The following TAB1 variants were observed in gnomAD, a reference collection of about 807,000 sequenced individuals.
TAB1 encodes TGF-beta-activated kinase 1 and MAP3K7-binding protein 1.
In TAB1, 30 loss-of-function variants were observed where a neutral mutation model predicts 54.5. The ratio of observed to expected loss-of-function variants is 0.55; its 90% CI spans 0.41 to 0.75. The LOEUF is 0.75. Ranked by LOEUF, TAB1 falls within the 30% of genes least tolerant of loss-of-function variation. TAB1 has a pLI of 0.00. For synonymous variants in TAB1, 289 were observed against 286.9 expected, an observed-to-expected ratio of 1.01 and a Z score of -0.07; for missense variants, 609 against 683.2, an observed-to-expected ratio of 0.89 and a Z score of 1.21.
downstream of TAB1, chr22:39,433,095 G>A: frequency 1.0e-6 from 1 of 985,362 alleles, no homozygotes; most frequent in Non-Finnish European, 1.2e-6. Context: ...GGAAAGCACT[G>A]AGGCAGGATC....
chr22:39,417,022 C>T, intron 4 of TAB1, 145 bp downstream of exon 4: 1 of 753,364 alleles, frequency 1.3e-6, no homozygotes, highest in Non-Finnish European at 2.2e-6. Context: ...GGTGTGTGGC[C>T]ACAGGTGAGG....
At chr22:39,433,592 C>T (rs1017707381), downstream of TAB1, 26 of 985,324 alleles carry the variant, frequency 2.6e-5, no homozygotes, top group Admixed American at 6.1e-5. Context: ...GTGAGCCATC[C>T]TCACTAGGAG....
At chr22:39,433,060 T>A (rs1161771264), downstream of TAB1, 2 of 985,312 alleles carry the variant, frequency 2.0e-6, no homozygotes, top group Non-Finnish European at 2.4e-6. Context: ...CTCTCCAGCC[T>A]GTCTGCCTCC....
At chr22:39,401,396 C>T (rs888777166) in intron 1 of TAB1, among the ~76,000 whole-genome samples, 3 of 152,200 alleles carry the variant, frequency 2.0e-5, no homozygotes, top group South Asian at 4.1e-4. Context: ...TGATTTTAGA[C>T]GGCTGGCCCT....
chr22:39,422,400 C>CTTTT (rs965591327), intron 8 of TAB1, among the ~76,000 whole-genome samples: 3,594 of 88,526 alleles, frequency 0.041, 384 homozygotes, highest in Non-Finnish European at 0.064. Flanking sequence ...CTTCTCATTT[C>CTTTT]TTTTTTTTTT....
chr22:39,428,138 C>T lies in TAB1; in HGVS notation c.1262C>T (p.Ala421Val). 6.2e-7 allele frequency: 1 copy of T among 1,613,544 alleles called. No homozygotes were observed. Among genetic ancestry groups the T allele is most frequent in the Non-Finnish European group, 8.5e-7 (1 of 1,179,584 alleles). Reference protein sequence around the residue: ...MPSQGQMVNGAHSASTLDEAT... With the variant: ...MPSQGQMVNGVHSASTLDEAT... Reference sequence around the variant, plus strand: ...TCCCAGGGCCAGATGGTCAACGGGGCTCACAGTGCTTCCACCCTGGACGAA... The same window carrying T: ...TCCCAGGGCCAGATGGTCAACGGGGTTCACAGTGCTTCCACCCTGGACGAA... Residue 421 changes from alanine (A) to valine (V), a missense_variant, in exon 10 of 11, where the codon GCT (alanine) becomes GTT (valine). Transcript: ENST00000216160.
At chr22:39,433,681 C>G (rs1044427421), downstream of TAB1, 25 of 985,306 alleles carry the variant, frequency 2.5e-5, no homozygotes, top group Admixed American at 1.2e-4. Context: ...AGCTGCAGAG[C>G]AGGCTCCCCA....
intron 8 of TAB1, among the ~76,000 whole-genome samples, chr22:39,424,246 A>G (rs1038507819): frequency 6.6e-6 from 1 of 152,206 alleles, no homozygotes; most frequent in African/African-American, 2.4e-5. Flanking sequence ...TCATTAGTCA[A>G]TGGCCACTTA....
At chr22:39,429,372 C>T (rs1927487778) in intron 10 of TAB1, 3 of 985,444 alleles carry the variant, frequency 3.0e-6, no homozygotes, top group South Asian at 9.4e-5. Context: ...GGTTCAGCTT[C>T]ACCCGAGGAA....
intron 10 of TAB1, among the ~76,000 whole-genome samples, chr22:39,428,446 C>G (rs1927443703): frequency 6.6e-6 from 1 of 152,248 alleles, no homozygotes; most frequent in Admixed American, 6.5e-5. Flanking sequence ...GGAAGGTTTC[C>G]TTTCATTCCT....
In TAB1 at chr22:39,411,869, C is replaced by T. The variant is rs180671734; in HGVS notation, c.34-3137C>T. On this transcript the variant is annotated intron_variant, in intron 1 of 10. Coordinates refer to ENST00000216160, the MANE Select transcript of TAB1 (RefSeq NM_006116.3). ...ATGGATAAACAAACTTTACTACATC[C>T]GAACAATGGTATATTACTCTATGAA... Among the ~76,000 whole-genome samples the T allele has an allele frequency of 5.3e-5, 8 of 152,174 alleles. No individual in the cohort carries two copies. The East Asian group carries it at 7.7e-4, about 15-fold the overall frequency.
chr22:39,400,668 G>A (rs562797250), intron 1 of TAB1, among the ~76,000 whole-genome samples: 2 of 152,346 alleles, frequency 1.3e-5, no homozygotes, highest in South Asian at 4.1e-4. Context: ...CCAGGGTAGG[G>A]TGCTGGCCTC....
At chr22:39,428,226 C>G in intron 10 of TAB1, 43 bp downstream of exon 10, 1 of 1,362,476 alleles carries the variant, frequency 7.3e-7, no homozygotes, top group Non-Finnish European at 1.0e-6. Context: ...CCTGTCACCC[C>G]CGTGTGTGTC....
intron 8 of TAB1, among the ~76,000 whole-genome samples, chr22:39,422,477 C>T (rs557249633): frequency 9.2e-5 from 13 of 141,498 alleles, no homozygotes; most frequent in South Asian, 4.5e-4. Flanking sequence ...GGCATGATCT[C>T]GGCTCACTGC....
chr22:39,436,635 G>A (rs1016591469), downstream of TAB1: 2 of 1,323,580 alleles, frequency 1.5e-6, no homozygotes, highest in Non-Finnish European at 2.2e-6. Context: ...TTTGTCGCCT[G>A]GTCTGACTTG....
intron 1 of TAB1, among the ~76,000 whole-genome samples, chr22:39,402,258 C>G (rs1041025941): frequency 2.6e-5 from 4 of 152,202 alleles, no homozygotes; most frequent in African/African-American, 9.7e-5. Flanking sequence ...TCAAGCAATC[C>G]TCCTGCCTTC....
intron 1 of TAB1, among the ~76,000 whole-genome samples, chr22:39,404,565 TA>T (rs956258923): frequency 1.3e-3 from 180 of 143,068 alleles, no homozygotes; most frequent in Non-Finnish European, 1.1e-3. Context: ...AAGACCTGTT[TA>T]AAAAAAAAAA....
downstream of TAB1, among the ~76,000 whole-genome samples, chr22:39,435,005 C>T (rs1040021996): frequency 2.0e-5 from 3 of 152,190 alleles, no homozygotes; most frequent in Non-Finnish European, 4.4e-5. Flanking sequence ...ATCCCAGTAG[C>T]TCAGGGCCAG....
At chr22:39,413,828 C>T (rs537726640) in intron 1 of TAB1, among the ~76,000 whole-genome samples, 35 of 152,258 alleles carry the variant, frequency 2.3e-4, no homozygotes, top group South Asian at 1.0e-3. Context: ...GTGAACAAAG[C>T]GCAGTTTTCA....
Sources: allele counts gnomAD v4.1 joint callset (sites outside exome capture counted in the v4.1 genomes callset), GRCh38; gene constraint gnomAD v4.1.1; transcripts MANE v1.5; gene names NCBI Gene and HGNC (gene_info 2026-07-23, HGNC 2026-07-21).